Variants in DCUN1D3 observed in about 807,000 individuals in gnomAD.
The protein encoded by DCUN1D3 is DCN1-like protein 3.
In DCUN1D3, 6 loss-of-function variants were observed where a neutral mutation model predicts 24.8. That is an observed-to-expected ratio of 0.24 (90% confidence interval 0.13 to 0.48). DCUN1D3 has a LOEUF of 0.48. Ranked by LOEUF, DCUN1D3 falls within the 20% of genes least tolerant of loss-of-function variation. DCUN1D3 has a pLI of 0.99. For missense variants in DCUN1D3, 258 were observed against 379.4 expected (o/e 0.68, Z 2.66); for synonymous variants, 120 against 144.9 (o/e 0.83, Z 1.24).
chr16:20,867,672 C>T (rs1038359303), intron 1 of DCUN1D3, among the ~76,000 whole-genome samples: 3 of 152,222 alleles, frequency 2.0e-5, no homozygotes, highest in African/African-American at 7.2e-5. Flanking sequence ...CTTGATATGA[C>T]AGCTGTTACT....
chr16:20,882,439 T>A (rs1371131745), intron 1 of DCUN1D3, among the ~76,000 whole-genome samples: 1 of 151,434 alleles, frequency 6.6e-6, no homozygotes, highest in Non-Finnish European at 1.5e-5. Context: ...TATATATATA[T>A]TTTTTAGTAG....
chr16:20,873,177 G>A (rs1242846161), intron 1 of DCUN1D3, among the ~76,000 whole-genome samples: 1 of 151,892 alleles, frequency 6.6e-6, no homozygotes, highest in Non-Finnish European at 1.5e-5. Flanking sequence ...CTGGCTCCAG[G>A]GATTTTAAGG....
chr16:20,898,294 C>G (rs1567432928), intron 1 of DCUN1D3, among the ~76,000 whole-genome samples: 1 of 152,216 alleles, frequency 6.6e-6, no homozygotes, highest in African/African-American at 2.4e-5. Flanking sequence ...CTTTCAATCA[C>G]ATCACTCTTA....
At chr16:20,862,680 G>A in intron 1 of DCUN1D3, 37 bp from the exon 2 acceptor site, 1 of 1,497,152 alleles carries the variant, frequency 6.7e-7, no homozygotes, top group Admixed American at 2.4e-5. Flanking sequence ...CTCTGGGTGG[G>A]GGAAATGGGG....
At chr16:20,861,548 T>G (rs2081732634) in intron 2 of DCUN1D3, among the ~76,000 whole-genome samples, 1 of 151,784 alleles carries the variant, frequency 6.6e-6, no homozygotes, top group South Asian at 2.1e-4. Flanking sequence ...ATCAAGTGAG[T>G]GAACTGACAT....
At chr16:20,897,491 T>C (rs1408197205) in intron 1 of DCUN1D3, among the ~76,000 whole-genome samples, 2 of 152,196 alleles carry the variant, frequency 1.3e-5, no homozygotes, top group Non-Finnish European at 2.9e-5. Context: ...TGAGTGTTAT[T>C]AGTCATCAGA....
At chr16:20,869,321 GAGA>G (rs993173203) in intron 1 of DCUN1D3, among the ~76,000 whole-genome samples, 37 of 152,260 alleles carry the variant, frequency 2.4e-4, no homozygotes, top group Admixed American at 1.2e-3. Flanking sequence ...ATGCAGACAG[GAGA>G]AGGAGAGAGA....
intron 1 of DCUN1D3, chr16:20,868,753 C>A (rs2081774558): frequency 6.6e-6 from 1 of 151,404 alleles, no homozygotes; most frequent in Non-Finnish European, 1.5e-5. Context: ...GCAAGGGACA[C>A]AAATGGGTTG....
At chr16:20,882,617 T>C (rs1489576293) in intron 1 of DCUN1D3, among the ~76,000 whole-genome samples, 1 of 152,182 alleles carries the variant, frequency 6.6e-6, no homozygotes, top group African/African-American at 2.4e-5. Context: ...ATTGTCACTA[T>C]CTTATGTTCC....
intron 1 of DCUN1D3, among the ~76,000 whole-genome samples, chr16:20,870,001 G>C (rs1212196114): frequency 6.6e-6 from 1 of 152,162 alleles, no homozygotes; most frequent in African/African-American, 2.4e-5. Flanking sequence ...GTATATTCCT[G>C]AGGAACCAAG....
At chr16:20,889,846 G>C (rs1290799304) in intron 1 of DCUN1D3, among the ~76,000 whole-genome samples, 1 of 152,128 alleles carries the variant, frequency 6.6e-6, no homozygotes, top group Admixed American at 6.5e-5. Context: ...AGCCAAACCA[G>C]AAAGACCAAG....
At chr16:20,870,892 T>C (rs751038184) in intron 1 of DCUN1D3, among the ~76,000 whole-genome samples, 7 of 152,222 alleles carry the variant, frequency 4.6e-5, no homozygotes, top group Non-Finnish European at 1.0e-4. Flanking sequence ...ACAGCTTTTC[T>C]ACAGCTGCCA....
intron 1 of DCUN1D3, among the ~76,000 whole-genome samples, chr16:20,884,234 T>C (rs749814806): frequency 1.4e-4 from 22 of 152,230 alleles, no homozygotes; most frequent in Non-Finnish European, 2.9e-4. Context: ...AACAGTCTTC[T>C]TTCATGTGGC....
At position 20,859,934 on chromosome 16, in the gene DCUN1D3, A is replaced by C; in HGVS notation, c.867T>G (p.Gly289=). ...AGCCCTCAGGCCCTGAGCTGAGTGC[A>C]CCTCTCCCTTCCCCTTCTCTTTTCC... ...ERRKREGEGR[G]ALSSGPEGLC... is the part of the protein sequence containing the mutation. The change falls in exon 3 of 3, where the codon GGT becomes GGG. Residue 289 remains glycine, a synonymous_variant. Transcript: ENST00000324344. 6.2e-7 allele frequency: 1 copy of C among 1,614,012 alleles called. No homozygotes were observed. The highest frequency in any genetic ancestry group is 8.5e-7 in the Non-Finnish European group (1 of 1,179,982).
At chr16:20,867,249 G>A (rs909966405) in intron 1 of DCUN1D3, among the ~76,000 whole-genome samples, 1 of 152,160 alleles carries the variant, frequency 6.6e-6, no homozygotes, top group South Asian at 2.1e-4. Flanking sequence ...AGCATCTAGA[G>A]AGAACACATG....
At chr16:20,884,578 T>C (rs888101700) in intron 1 of DCUN1D3, among the ~76,000 whole-genome samples, 9 of 152,252 alleles carry the variant, frequency 5.9e-5, no homozygotes, top group Non-Finnish European at 1.3e-4. Flanking sequence ...GCTCAAAGGA[T>C]GCTTGCTGCG....
rs946324060 is a variant in DCUN1D3 at position 20,857,076 on chromosome 16, G to C, written c.*2810C>G. ...GAACAAGACTTTTCACTTCCCAGAAGTATAACTTCAAACCCTACACACACC... is the reference window on the plus strand; with the variant it reads ...GAACAAGACTTTTCACTTCCCAGAACTATAACTTCAAACCCTACACACACC... On this transcript the variant is annotated 3_prime_UTR_variant, in exon 3 of 3. Transcript: ENST00000324344. 2.0e-5 allele frequency: 3 copies of C among 152,182 alleles called. No individual in the cohort carries two copies. The highest frequency in any genetic ancestry group is 2.0e-4 in the Admixed American group (3 of 15,272). 9.4% of individuals were successfully genotyped at this position (152,182 alleles called of 1,614,324 possible).
intron 1 of DCUN1D3, among the ~76,000 whole-genome samples, chr16:20,866,522 A>C (rs1478330469): frequency 6.6e-6 from 1 of 152,214 alleles, no homozygotes; most frequent in African/African-American, 2.4e-5. Flanking sequence ...AGGTAGGGAC[A>C]GAACAGATGG....
At chr16:20,899,549 C>T (rs1317957636) in intron 1 of DCUN1D3, among the ~76,000 whole-genome samples, 1 of 151,984 alleles carries the variant, frequency 6.6e-6, no homozygotes, top group African/African-American at 2.4e-5. Context: ...AAAAAAAATC[C>T]ACTATTGCCA....
Sources: allele counts gnomAD v4.1 joint callset (sites outside exome capture counted in the v4.1 genomes callset), GRCh38; gene constraint gnomAD v4.1.1; transcripts MANE v1.5; gene names NCBI Gene and HGNC (gene_info 2026-07-23, HGNC 2026-07-21).